Variants in CCDC141 observed in about 807,000 individuals in gnomAD.
CCDC141 encodes the protein coiled-coil domain containing 141.
Under a neutral mutation model 181.0 loss-of-function variants are expected in CCDC141, and 168 were observed. The observed-to-expected ratio is 0.93, with a 90% CI of 0.82 to 1.05. The LOEUF is 1.05. Ranked by LOEUF, CCDC141 falls within the 50% of genes least tolerant of loss-of-function variation. The pLI is 0.00. For synonymous variants in CCDC141, 666 were observed against 642.3 expected, an observed-to-expected ratio of 1.04 and a Z score of -0.56; for missense variants, 1,902 against 1,788.5, an observed-to-expected ratio of 1.06 and a Z score of -1.14.
At chr2:179,049,751 C>A in intron 1 of CCDC141, 89 bp downstream of exon 1, 2 of 1,410,074 alleles carry the variant, frequency 1.4e-6, no homozygotes, top group Non-Finnish European at 2.0e-6. Context: ...TATGCTGTGT[C>A]CTGCCGATTG....
chr2:178,909,799 C>T (rs908265395), intron 7 of CCDC141, among the ~76,000 whole-genome samples: 3 of 152,216 alleles, frequency 2.0e-5, no homozygotes, highest in Non-Finnish European at 4.4e-5. Flanking sequence ...AATAAGAACA[C>T]TGTGACCCCC....
At chr2:178,836,478 A>C (rs1486248936) in intron 23 of CCDC141, 1 of 157,992 alleles carries the variant, frequency 6.3e-6, no homozygotes, top group African/African-American at 2.4e-5. Context: ...AAAGAGGTAA[A>C]TGAGAGTAAA....
chr2:179,049,818 A>G, intron 1 of CCDC141, 22 bp downstream of exon 1: 2 of 1,550,480 alleles, frequency 1.3e-6, no homozygotes, highest in Non-Finnish European at 1.7e-6. Context: ...GCCGCACAGA[A>G]AAAAGGAAGT....
intron 2 of CCDC141, among the ~76,000 whole-genome samples, chr2:179,033,205 A>G (rs752442167): frequency 4.0e-5 from 6 of 151,706 alleles, no homozygotes; most frequent in Admixed American, 1.3e-4. Flanking sequence ...CACAGATTTG[A>G]TAAACCATGT....
At chr2:178,892,367 G>A (rs746047731) in intron 8 of CCDC141, among the ~76,000 whole-genome samples, 1 of 152,018 alleles carries the variant, frequency 6.6e-6, no homozygotes, top group Non-Finnish European at 1.5e-5. Flanking sequence ...ATTCATCTTG[G>A]TTACTCTAGC....
intron 5 of CCDC141, among the ~76,000 whole-genome samples, chr2:178,956,550 G>A (rs182829197): frequency 2.1e-3 from 313 of 152,182 alleles, no homozygotes; most frequent in Non-Finnish European, 2.7e-3. Flanking sequence ...CAGTTTGCCC[G>A]CCTCACCTCC....
At chr2:179,039,241 C>T (rs1052105441) in intron 2 of CCDC141, among the ~76,000 whole-genome samples, 32 of 152,124 alleles carry the variant, frequency 2.1e-4, no homozygotes, top group African/African-American at 7.2e-4. Context: ...AGATCTCTAG[C>T]GTACAGATAT....
chr2:178,914,665 A>C (rs1688363972), intron 7 of CCDC141, among the ~76,000 whole-genome samples: 1 of 152,234 alleles, frequency 6.6e-6, no homozygotes, highest in Non-Finnish European at 1.5e-5. Flanking sequence ...ACTGAATTTC[A>C]CAAATTTTGT....
At position 179,048,648 on chromosome 2, in the gene CCDC141, G is replaced by A. The variant is rs576826950; in HGVS notation, c.102+1192C>T. On this transcript the variant is annotated intron_variant, in intron 1 of 23. Coordinates refer to ENST00000443758, the MANE Select transcript of CCDC141 (RefSeq NM_173648.4). ...AAAGTATCATTAATCCCGTGCAAATGATCTGTTTGCCCTACTTCTGCATCA... is the reference window on the plus strand; with the variant it reads ...AAAGTATCATTAATCCCGTGCAAATAATCTGTTTGCCCTACTTCTGCATCA... Among the ~76,000 whole-genome samples, 17 of 152,242 alleles carry A rather than the reference G, an allele frequency of 1.1e-4. 1 individual carries two copies. Among genetic ancestry groups the A allele is most frequent in the African/African-American group, 4.1e-4 (17 of 41,538 alleles).
At chr2:178,822,589 C>G in the CCDC141 span, among the ~76,000 whole-genome samples, 1 of 152,022 alleles carries the variant, frequency 6.6e-6, no homozygotes, top group African/African-American at 2.4e-5. Flanking sequence ...AATTAGTGTT[C>G]CACTATTTTA....
At chr2:179,027,681 A>T (rs1199958527) in intron 2 of CCDC141, among the ~76,000 whole-genome samples, 1 of 116,190 alleles carries the variant, frequency 8.6e-6, no homozygotes, top group Non-Finnish European at 1.9e-5. Flanking sequence ...AAAAAAAAAA[A>T]GTTTCCCTGC....
chr2:179,050,106 C>G lies in CCDC141; in HGVS notation c.-165G>C. 2 of 1,055,478 alleles carry G rather than the reference C, an allele frequency of 1.9e-6. No homozygotes were observed. The highest frequency in any genetic ancestry group is 2.6e-6 in the Non-Finnish European group (2 of 764,142). The allele number at this position is 1,055,478 out of a possible 1,614,324, so 65.4% of individuals were successfully genotyped here. On this transcript the variant is annotated 5_prime_UTR_variant, in exon 1 of 24. Coordinates refer to ENST00000443758, the MANE Select transcript of CCDC141 (RefSeq NM_173648.4). ...GAACAGGAGGTTAAAAATAGACAAC[C>G]CCATTGAGTTTATCGTGAGAGAGAA...
At chr2:179,014,029 A>G (rs569999144) in intron 2 of CCDC141, among the ~76,000 whole-genome samples, 2 of 151,586 alleles carry the variant, frequency 1.3e-5, no homozygotes, top group East Asian at 1.9e-4. Flanking sequence ...TTCAAACTAT[A>G]CTATAAGGCC....
intron 2 of CCDC141, among the ~76,000 whole-genome samples, chr2:179,041,491 GTTTTTT>G (rs35229059): frequency 5.1e-5 from 3 of 58,864 alleles, no homozygotes; most frequent in African/African-American, 2.2e-4. Context: ...TTGGTTGTGG[GTTTTTT>G]TTTTTTTTTT....
intron 2 of CCDC141, among the ~76,000 whole-genome samples, chr2:179,045,641 G>GTTCCTA (rs1260749941): frequency 2.0e-5 from 3 of 151,592 alleles, no homozygotes; most frequent in African/African-American, 7.3e-5. Flanking sequence ...GTGTAAAAGT[G>GTTCCTA]TTCCTATTTC....
intron 17 of CCDC141, among the ~76,000 whole-genome samples, chr2:178,865,364 G>T (rs1685799105): frequency 6.6e-6 from 1 of 152,182 alleles, no homozygotes. Context: ...GCAGGCTGGA[G>T]TTGGCTGCAA....
At chr2:178,946,095 T>C in intron 5 of CCDC141, among the ~76,000 whole-genome samples, 1 of 152,196 alleles carries the variant, frequency 6.6e-6, no homozygotes, top group Non-Finnish European at 1.5e-5. Flanking sequence ...AAGAAAATAA[T>C]ACTGGTGACC....
chr2:178,881,727 A>T, intron 11 of CCDC141, among the ~76,000 whole-genome samples: 1 of 151,606 alleles, frequency 6.6e-6, no homozygotes, highest in South Asian at 2.1e-4. Context: ...CATTTTTACA[A>T]AAAAAAATAC....
At chr2:178,890,164 C>T (rs772133746) in intron 8 of CCDC141, among the ~76,000 whole-genome samples, 4 of 152,038 alleles carry the variant, frequency 2.6e-5, no homozygotes, top group Non-Finnish European at 2.9e-5. Context: ...AATGGGCAAA[C>T]ACGTAGAGAA....
Sources: gnomAD v4.1 joint callset for allele counts (sites outside exome capture counted in the v4.1 genomes callset) on GRCh38, gnomAD v4.1.1 for gene constraint, MANE v1.5 for transcripts, NCBI Gene and HGNC (gene_info 2026-07-23, HGNC 2026-07-21) for gene names.